ITPK1: variants seen among roughly 807,000 people sequenced by gnomAD.
ITPK1 encodes inositol 1,3,4-trisphosphate 5/6-kinase.
A neutral mutation model predicts 45.3 loss-of-function variants in ITPK1; 21 were observed. The ratio of observed to expected loss-of-function variants is 0.46; its 90% CI spans 0.33 to 0.67. The LOEUF (loss-of-function observed/expected upper bound fraction) is 0.67. Among genes scored for constraint, ITPK1 ranks in the 30% least tolerant of loss-of-function variants. The pLI, the probability that ITPK1 is intolerant of heterozygous loss-of-function variation, is 0.02. For synonymous variants in ITPK1, 258 were observed against 253.6 expected, an observed-to-expected ratio of 1.02 and a Z score of -0.16; for missense variants, 474 against 573.5, an observed-to-expected ratio of 0.83 and a Z score of 1.77.
chr14:93,095,905 TG>T (rs1314652130), intron 2 of ITPK1, among the ~76,000 whole-genome samples: 1 of 152,194 alleles, frequency 6.6e-6, no homozygotes, highest in Non-Finnish European at 1.5e-5. Flanking sequence ...GCTGCATCCA[TG>T]TTGCTGCAAA....
At chr14:93,050,661 G>T (rs1889966637) in intron 3 of ITPK1, among the ~76,000 whole-genome samples, 1 of 152,054 alleles carries the variant, frequency 6.6e-6, no homozygotes, top group African/African-American at 2.4e-5. Flanking sequence ...ACAAATCCAA[G>T]CCCTGGATGT....
In ITPK1 at chr14:93,036,217, C is replaced by T. The variant is rs993169996; in HGVS notation, c.121-19416G>A. ...AGGCCACAACCGGAGGGACACTGTC[C>T]CCGTCCTACTGGGAAGGGCCGCTCC... On this transcript the variant is annotated intron_variant, in intron 3 of 10. Transcript: ENST00000267615. This position sits in a 1 kb window ranked among gnomAD's most constrained non-coding sequence, Gnocchi z 4.1. Among the ~76,000 whole-genome samples, 39 of 152,136 alleles carry T rather than the reference C, an allele frequency of 2.6e-4. No individual in the cohort carries two copies. Among genetic ancestry groups the T allele is most frequent in the African/African-American group, 9.2e-4 (38 of 41,418 alleles).
intron 4 of ITPK1, among the ~76,000 whole-genome samples, chr14:93,008,078 C>T (rs1253302808): frequency 6.6e-6 from 1 of 152,226 alleles, no homozygotes; most frequent in East Asian, 1.9e-4. Context: ...GGTCCTTATG[C>T]CTCCATCCTG....
chr14:92,953,102 C>T (rs115697777), intron 8 of ITPK1, among the ~76,000 whole-genome samples: 3,782 of 152,324 alleles, frequency 0.025, 152 homozygotes, highest in African/African-American at 0.086. Flanking sequence ...GGCTGAGGGC[C>T]GCTGCGTGCT....
chr14:93,084,279 C>G (rs1181393479), intron 2 of ITPK1, among the ~76,000 whole-genome samples: 1 of 152,208 alleles, frequency 6.6e-6, no homozygotes, highest in Non-Finnish European at 1.5e-5. Context: ...AGCGCTGGTT[C>G]CCAACTATGG....
In ITPK1 at chr14:93,014,091, C is replaced by T. The variant is rs77123938; in HGVS notation, c.246+2585G>A. 3.9e-5 allele frequency among the ~76,000 whole-genome samples: 6 copies of T among 152,280 alleles called. No homozygotes were observed. The highest frequency in any genetic ancestry group is 3.9e-4 in the East Asian group (2 of 5,180). On this transcript the variant is annotated intron_variant, in intron 4 of 10. Coordinates refer to ENST00000267615, the MANE Select transcript of ITPK1 (RefSeq NM_014216.6). This position sits in a 1 kb window ranked among gnomAD's most constrained non-coding sequence, Gnocchi z 4.4. ...GAAACTTCCCACCTTATCAGATATC[C>T]GGCCTCTTACTGAAGCACAGACGGT... is the stretch of plus-strand genomic sequence containing the variant.
chr14:92,937,117 A>G lies in ITPK1; in HGVS notation c.*4444T>C, dbSNP rs1157584875. The G allele has an allele frequency of 2.0e-5, 3 of 152,262 alleles. No homozygotes were observed. The highest frequency in any genetic ancestry group is 2.9e-5 in the Non-Finnish European group (2 of 68,058). 9.4% of individuals were successfully genotyped at this position (152,262 alleles called of 1,614,324 possible). On this transcript the variant is annotated 3_prime_UTR_variant, in exon 11 of 11. Transcript: ENST00000267615. Reference sequence around the variant, plus strand: ...TCCCAAAGCCACCCGCAGTGTCCTAACCTCATGGAGTGAACATGCGACCAG... The same window carrying G: ...TCCCAAAGCCACCCGCAGTGTCCTAGCCTCATGGAGTGAACATGCGACCAG...
At chr14:93,099,842 A>C (rs1892241143) in intron 2 of ITPK1, among the ~76,000 whole-genome samples, 1 of 151,976 alleles carries the variant, frequency 6.6e-6, no homozygotes, top group Non-Finnish European at 1.5e-5. Flanking sequence ...TTGTGGGGGT[A>C]GGTACTCTCC....
At chr14:92,963,981 C>T (rs1164719496) in intron 5 of ITPK1, among the ~76,000 whole-genome samples, 2 of 152,174 alleles carry the variant, frequency 1.3e-5, no homozygotes, top group African/African-American at 2.4e-5. Flanking sequence ...CAGACTGTCT[C>T]GAGCTGCTAG....
intron 2 of ITPK1, among the ~76,000 whole-genome samples, chr14:93,088,032 G>A (rs1472184491): frequency 1.3e-5 from 2 of 152,238 alleles, no homozygotes; most frequent in Admixed American, 6.5e-5. Flanking sequence ...AGGTCCATCA[G>A]AGGTGCCCAG....
At chr14:93,102,383 C>A (rs1267825112) in intron 2 of ITPK1, among the ~76,000 whole-genome samples, 4 of 152,276 alleles carry the variant, frequency 2.6e-5, no homozygotes, top group Non-Finnish European at 4.4e-5. Context: ...GACACACCTT[C>A]CTGCAGGGAG....
intron 2 of ITPK1, among the ~76,000 whole-genome samples, chr14:93,082,673 G>A (rs1891485807): frequency 6.6e-6 from 1 of 152,240 alleles, no homozygotes; most frequent in South Asian, 2.1e-4. Context: ...CTCCAGGGGT[G>A]GGCACATGAC....
At chr14:93,001,051 G>A (rs1037893781) in intron 4 of ITPK1, among the ~76,000 whole-genome samples, 37 of 151,516 alleles carry the variant, frequency 2.4e-4, no homozygotes, top group African/African-American at 8.0e-4. Context: ...AGGCTGACGC[G>A]GGAGTATCAC....
At position 93,063,305 on chromosome 14, in the gene ITPK1, T is replaced by TC. The variant is rs1369205482; in HGVS notation, c.120+13289dup. Among the ~76,000 whole-genome samples, 3 of 152,156 alleles carry TC rather than the reference T, an allele frequency of 2.0e-5. No homozygotes were observed. The highest frequency in any genetic ancestry group is 7.2e-5 in the African/African-American group (3 of 41,520). ...CACCCTCCTGCCCAGGGACCCCTGG[T>TC]CCCCCACCCACCTGAGATGGCAGAG... On this transcript the variant is annotated intron_variant, in intron 3 of 10. Transcript: ENST00000267615. The surrounding 1 kb of genome is among the most constrained non-coding windows in gnomAD (Gnocchi z 4.3).
chr14:93,019,207 G>A (rs781652073), intron 3 of ITPK1, among the ~76,000 whole-genome samples: 13 of 152,186 alleles, frequency 8.5e-5, no homozygotes, highest in Non-Finnish European at 1.2e-4. Flanking sequence ...CGACGCATCC[G>A]GGCCCACAGA....
chr14:93,081,893 G>A (rs916938148), intron 2 of ITPK1, among the ~76,000 whole-genome samples: 4 of 152,196 alleles, frequency 2.6e-5, no homozygotes, highest in African/African-American at 4.8e-5. Context: ...CCAAATGCCA[G>A]GGCAGATAAC....
intron 4 of ITPK1, among the ~76,000 whole-genome samples, chr14:92,998,122 T>A (rs1190160007): frequency 1.3e-5 from 2 of 152,226 alleles, no homozygotes; most frequent in East Asian, 3.8e-4. Context: ...CCTCTGAGAC[T>A]CATCCTGGGT....
At chr14:92,968,363 T>C (rs900433171) in intron 5 of ITPK1, among the ~76,000 whole-genome samples, 1 of 152,092 alleles carries the variant, frequency 6.6e-6, no homozygotes, top group African/African-American at 2.4e-5. Context: ...GTATGATACA[T>C]AAATTGTATC....
At chr14:93,074,204 AAGTGTCC>A (rs1221602096) in intron 3 of ITPK1, among the ~76,000 whole-genome samples, 4 of 152,152 alleles carry the variant, frequency 2.6e-5, no homozygotes, top group African/African-American at 7.2e-5. Flanking sequence ...CTGAAGTGTA[AAGTGTCC>A]AGTTTGGCTT....
Sources: allele counts gnomAD v4.1 joint callset (sites outside exome capture counted in the v4.1 genomes callset), GRCh38; gene constraint gnomAD v4.1.1; non-coding constraint Gnocchi (gnomAD v3.1); transcripts MANE v1.5; gene names NCBI Gene and HGNC (gene_info 2026-07-23, HGNC 2026-07-21).